TBC1D22A: variants seen among roughly 807,000 people sequenced by gnomAD.
The protein encoded by TBC1D22A is TBC1 domain family member 22A.
A neutral mutation model predicts 60.2 loss-of-function variants in TBC1D22A; 38 were observed. The observed-to-expected ratio is 0.63, with a 90% CI of 0.49 to 0.83. The LOEUF (loss-of-function observed/expected upper bound fraction) is 0.83. Among genes scored for constraint, TBC1D22A ranks in the 40% least tolerant of loss-of-function variants. The pLI is 0.00. For synonymous variants in TBC1D22A, 302 were observed against 281.7 expected (o/e 1.07, Z -0.72); for missense variants, 628 against 701.0 (o/e 0.90, Z 1.18).
rs559183036 is a variant in TBC1D22A, at chr22:46,999,253, G to A, written c.1201+1544G>A. ...GATGATTGTTTAAGAGAGCAGCAGCGATAACCAAAGGAACCCCAACGAAAT... is the reference window on the plus strand; with the variant it reads ...GATGATTGTTTAAGAGAGCAGCAGCAATAACCAAAGGAACCCCAACGAAAT... On this transcript the variant is annotated intron_variant, in intron 10 of 12. Coordinates refer to ENST00000337137, the MANE Select transcript of TBC1D22A (RefSeq NM_014346.5). 1.1e-4 allele frequency among the ~76,000 whole-genome samples: 17 copies of A among 152,340 alleles called. No individual in the cohort carries two copies. In the East Asian group the frequency reaches 3.3e-3, roughly 29 times the overall value.
intron 5 of TBC1D22A, among the ~76,000 whole-genome samples, chr22:46,889,727 A>G (rs1367803071): frequency 6.6e-6 from 1 of 152,202 alleles, no homozygotes; most frequent in East Asian, 1.9e-4. Flanking sequence ...TGAGTGAAGG[A>G]AAAGCTTGCA....
chr22:47,118,887 C>G (rs1027543505), intron 12 of TBC1D22A, among the ~76,000 whole-genome samples: 1 of 152,220 alleles, frequency 6.6e-6, no homozygotes. Context: ...TGCGGTGGCT[C>G]ACGCCTGTAA....
chr22:47,010,707 G>A (rs1318854348), intron 10 of TBC1D22A, among the ~76,000 whole-genome samples: 2 of 152,142 alleles, frequency 1.3e-5, no homozygotes, highest in Non-Finnish European at 2.9e-5. Context: ...GCAGGAATTT[G>A]CTCTCTTGTT....
At chr22:46,869,357 G>C (rs187492865) in intron 4 of TBC1D22A, among the ~76,000 whole-genome samples, 1 of 152,174 alleles carries the variant, frequency 6.6e-6, no homozygotes, top group Non-Finnish European at 1.5e-5. Context: ...GATTTCACTG[G>C]CTAGATTTCT....
At chr22:46,801,935 G>A (rs1004376145) in intron 4 of TBC1D22A, among the ~76,000 whole-genome samples, 2 of 152,248 alleles carry the variant, frequency 1.3e-5, no homozygotes, top group African/African-American at 2.4e-5. Context: ...GCACTAATAC[G>A]AGTAGATGCC....
intron 11 of TBC1D22A, among the ~76,000 whole-genome samples, chr22:47,037,556 G>A (rs2062696640): frequency 1.3e-5 from 2 of 152,258 alleles, no homozygotes; most frequent in South Asian, 4.1e-4. Context: ...GCTTGAACCC[G>A]GGAGGCGGAG....
At chr22:46,903,352 G>T (rs2069150454) in intron 7 of TBC1D22A, among the ~76,000 whole-genome samples, 1 of 152,210 alleles carries the variant, frequency 6.6e-6, no homozygotes, top group African/African-American at 2.4e-5. Flanking sequence ...GGAAGCTGTG[G>T]ACCAGGCATG....
intron 11 of TBC1D22A, among the ~76,000 whole-genome samples, chr22:47,082,648 C>A (rs1475698902): frequency 6.6e-6 from 1 of 152,168 alleles, no homozygotes; most frequent in Non-Finnish European, 1.5e-5. Flanking sequence ...TATTAGTCAT[C>A]AAGGAAATTC....
rs563935702 is a variant in TBC1D22A at position 46,982,926 on chromosome 22, T to G, written c.1125+8527T>G. On this transcript the variant is annotated intron_variant, in intron 9 of 12. Transcript: ENST00000337137. ...CTGCTTAGAAATGTCTGGGGTGCTT[T>G]TCAGTGGTTGCTGTCACTGGGAGAT... Among the ~76,000 whole-genome samples the G allele has an allele frequency of 7.4e-4, 112 of 152,292 alleles. 1 individual carries two copies. The highest frequency in any genetic ancestry group is 2.5e-3 in the African/African-American group (106 of 41,578).
intron 11 of TBC1D22A, among the ~76,000 whole-genome samples, chr22:47,080,108 G>C (rs1273114014): frequency 6.6e-6 from 1 of 152,072 alleles, no homozygotes; most frequent in Non-Finnish European, 1.5e-5. Flanking sequence ...GTGTTAACAG[G>C]ACTTCTAATT....
At chr22:46,894,252 T>C (rs1043760832) in intron 6 of TBC1D22A, among the ~76,000 whole-genome samples, 3 of 152,180 alleles carry the variant, frequency 2.0e-5, no homozygotes, top group African/African-American at 7.2e-5. Context: ...TTGGGGACTT[T>C]ATTATGACTC....
At chr22:46,783,035 T>C (rs144063210) in intron 1 of TBC1D22A, among the ~76,000 whole-genome samples, 17 of 152,336 alleles carry the variant, frequency 1.1e-4, no homozygotes, top group African/African-American at 4.1e-4. Context: ...CCAAACTGTT[T>C]TCCACAGCAG....
At chr22:47,165,998 G>T (rs2068195015) in intron 12 of TBC1D22A, among the ~76,000 whole-genome samples, 1 of 152,268 alleles carries the variant, frequency 6.6e-6, no homozygotes, top group Non-Finnish European at 1.5e-5. Context: ...AATAACAAGA[G>T]TAGGCAAATG....
chr22:46,810,986 G>A (rs1319225618), intron 4 of TBC1D22A, among the ~76,000 whole-genome samples: 1 of 152,218 alleles, frequency 6.6e-6, no homozygotes, highest in East Asian at 1.9e-4. Flanking sequence ...TTACTTTGGG[G>A]AGCATGGCTG....
chr22:47,052,228 A>G (rs2063248831), intron 11 of TBC1D22A, among the ~76,000 whole-genome samples: 2 of 152,226 alleles, frequency 1.3e-5, no homozygotes, highest in African/African-American at 2.4e-5. Flanking sequence ...CATTTTGAAT[A>G]CTTGAGTCCA....
intron 4 of TBC1D22A, among the ~76,000 whole-genome samples, chr22:46,868,355 A>AATCAC (rs2067151438): frequency 6.6e-6 from 1 of 152,184 alleles, no homozygotes; most frequent in African/African-American, 2.4e-5. Flanking sequence ...AAAGGTATGA[A>AATCAC]ATCACCTTGA....
chr22:47,132,082 A>G (rs2066697958), intron 12 of TBC1D22A, among the ~76,000 whole-genome samples: 1 of 152,142 alleles, frequency 6.6e-6, no homozygotes. Context: ...TTCTGCACAT[A>G]CATCCTTGAG....
rs1366028421 is a variant in TBC1D22A at position 47,028,205 on chromosome 22, G to C, written c.1202-8866G>C. Reference sequence around the variant, plus strand: ...AAAAATAGACCTCAATACCTCTCTAGAGATGAAAAGATTGCGTGCTGTGGC... The same window carrying C: ...AAAAATAGACCTCAATACCTCTCTACAGATGAAAAGATTGCGTGCTGTGGC... On this transcript the variant is annotated intron_variant, in intron 10 of 12. Transcript: ENST00000337137. The surrounding 1 kb of genome is among the most constrained non-coding windows in gnomAD (Gnocchi z 4.4). Among the ~76,000 whole-genome samples, 1 of 152,202 alleles carries C rather than the reference G, an allele frequency of 6.6e-6. No individual in the cohort carries two copies.
At chr22:46,904,084 A>G (rs941723390) in intron 7 of TBC1D22A, among the ~76,000 whole-genome samples, 1 of 145,472 alleles carries the variant, frequency 6.9e-6, no homozygotes, top group Non-Finnish European at 1.5e-5. Context: ...ACATATATAC[A>G]TATCTAAATA....
Sources: allele counts gnomAD v4.1 joint callset (sites outside exome capture counted in the v4.1 genomes callset), GRCh38; gene constraint gnomAD v4.1.1; non-coding constraint Gnocchi (gnomAD v3.1); transcripts MANE v1.5; gene names NCBI Gene and HGNC (gene_info 2026-07-23, HGNC 2026-07-21).